MACROD2: variants seen among roughly 807,000 people sequenced by gnomAD.
MACROD2 encodes mono-ADP ribosylhydrolase 2, also known as ADP-ribose glycohydrolase MACROD2.
In MACROD2, 36 loss-of-function variants were observed where a neutral mutation model predicts 70.4. That is an observed-to-expected ratio of 0.51 (90% CI 0.39 to 0.68). The LOEUF (loss-of-function observed/expected upper bound fraction) is 0.68, where lower values mean the gene tolerates loss of function less well. Ranked by LOEUF, MACROD2 falls within the 30% of genes least tolerant of loss-of-function variation. MACROD2 has a pLI of 0.00. For synonymous variants in MACROD2, 172 were observed against 178.8 expected (o/e 0.96, Z 0.30); for missense variants, 496 against 538.4 (o/e 0.92, Z 0.78).
chr20:15,730,069 C>A (rs1271232161), intron 8 of MACROD2, among the ~76,000 whole-genome samples: 2 of 152,050 alleles, frequency 1.3e-5, no homozygotes, highest in African/African-American at 2.4e-5. Context: ...CTCAGGTGAT[C>A]CACCTGCCTC....
intron 8 of MACROD2, among the ~76,000 whole-genome samples, chr20:15,829,276 G>A (rs773468395): frequency 1.8e-4 from 27 of 152,178 alleles, no homozygotes; most frequent in Middle Eastern, 3.4e-3. Context: ...ATGTCCCTTA[G>A]CTGTAAGGTT....
intron 8 of MACROD2, among the ~76,000 whole-genome samples, chr20:15,825,044 A>G (rs1168114312): frequency 6.6e-6 from 1 of 152,218 alleles, no homozygotes; most frequent in Non-Finnish European, 1.5e-5. Flanking sequence ...TGATTTTTCT[A>G]ATGATGGTCC....
chr20:14,990,402 G>A (rs1568915282), intron 5 of MACROD2, among the ~76,000 whole-genome samples: 1 of 151,894 alleles, frequency 6.6e-6, no homozygotes. Flanking sequence ...GAAGACAGGG[G>A]CTCAACTCCA....
At chr20:15,690,720 CTAAAT>C (rs1165817029) in intron 8 of MACROD2, among the ~76,000 whole-genome samples, 1 of 152,158 alleles carries the variant, frequency 6.6e-6, no homozygotes, top group Admixed American at 6.5e-5. Context: ...TCTGTATACA[CTAAAT>C]TAAACAACTG....
chr20:15,500,331 G>A (rs941110808), intron 8 of MACROD2, among the ~76,000 whole-genome samples: 2 of 152,086 alleles, frequency 1.3e-5, no homozygotes, highest in East Asian at 1.9e-4. Flanking sequence ...TCACAAAATC[G>A]TTATGAGCGG....
chr20:14,980,057 C>A (rs1404049202), intron 5 of MACROD2, among the ~76,000 whole-genome samples: 1 of 152,082 alleles, frequency 6.6e-6, no homozygotes, highest in East Asian at 1.9e-4. Context: ...AACTTGTAAG[C>A]ACTTTGTAAG....
At chr20:14,830,550 A>G (rs2072952924) in intron 5 of MACROD2, among the ~76,000 whole-genome samples, 1 of 152,166 alleles carries the variant, frequency 6.6e-6, no homozygotes, top group South Asian at 2.1e-4. Context: ...AAATATCTGG[A>G]TGTGCACATA....
chr20:14,338,469 C>A (rs2082976428), intron 3 of MACROD2, among the ~76,000 whole-genome samples: 1 of 152,052 alleles, frequency 6.6e-6, no homozygotes, highest in African/African-American at 2.4e-5. Flanking sequence ...ATGGTCTGTT[C>A]TTTTGGAGGC....
chr20:14,366,172 T>G (rs2083269940), intron 3 of MACROD2, among the ~76,000 whole-genome samples: 1 of 152,180 alleles, frequency 6.6e-6, no homozygotes, highest in Non-Finnish European at 1.5e-5. Context: ...TGTCTAAATA[T>G]TCTATTTATT....
intron 5 of MACROD2, among the ~76,000 whole-genome samples, chr20:14,835,170 A>G (rs1007996044): frequency 4.6e-5 from 7 of 151,852 alleles, no homozygotes; most frequent in Non-Finnish European, 7.4e-5. Flanking sequence ...TTTTTCCTCC[A>G]TTGTTACTTT....
At chr20:15,885,865 T>TCC in intron 10 of MACROD2, 54 bp downstream of exon 10, 1 of 1,444,154 alleles carries the variant, frequency 6.9e-7, no homozygotes, top group Non-Finnish European at 9.2e-7. Flanking sequence ...ATTTTGTTGT[T>TCC]TATGTACACT....
intron 10 of MACROD2, among the ~76,000 whole-genome samples, chr20:15,911,328 G>T (rs6135598): frequency 6.6e-6 from 1 of 152,278 alleles, no homozygotes; most frequent in Admixed American, 6.5e-5. Context: ...CTAGTTCGTC[G>T]TCAGTAAATA....
chr20:15,397,960 A>G (rs1427499441), intron 6 of MACROD2, among the ~76,000 whole-genome samples: 2 of 152,206 alleles, frequency 1.3e-5, no homozygotes, highest in African/African-American at 4.8e-5. Context: ...GAGAAAAACT[A>G]TAGCTTCTTG....
chr20:14,890,648 A>G (rs376575094), intron 5 of MACROD2, among the ~76,000 whole-genome samples: 1 of 151,836 alleles, frequency 6.6e-6, no homozygotes, highest in South Asian at 2.1e-4. Context: ...TGTCATCCCA[A>G]TTACTCAGGA....
chr20:15,410,375 T>A (rs528797971), intron 6 of MACROD2, among the ~76,000 whole-genome samples: 1 of 152,314 alleles, frequency 6.6e-6, no homozygotes, highest in South Asian at 2.1e-4. Flanking sequence ...ACCAATCATG[T>A]CTTTTGTTGT....
chr20:14,845,051 A>G (rs887522591), intron 5 of MACROD2, among the ~76,000 whole-genome samples: 1 of 152,110 alleles, frequency 6.6e-6, no homozygotes, highest in African/African-American at 2.4e-5. Flanking sequence ...TGTAATGGTA[A>G]TGGCCATAGA....
intron 3 of MACROD2, among the ~76,000 whole-genome samples, chr20:14,349,518 A>G (rs559531205): frequency 2.4e-3 from 359 of 148,376 alleles, no homozygotes; most frequent in African/African-American, 8.3e-3. Context: ...AACCATATAT[A>G]TTGTATCTAT....
chr20:15,023,521 A>G (rs1270247007), intron 5 of MACROD2, among the ~76,000 whole-genome samples: 1 of 152,160 alleles, frequency 6.6e-6, no homozygotes, highest in Non-Finnish European at 1.5e-5. Flanking sequence ...GCTAATAAAG[A>G]CATACTCAAG....
chr20:15,791,547 T>C (rs1220553594), intron 8 of MACROD2, among the ~76,000 whole-genome samples: 1 of 152,000 alleles, frequency 6.6e-6, no homozygotes, highest in Non-Finnish European at 1.5e-5. Context: ...TTTGGGGGGA[T>C]GTATAATTTT....
Sources: gnomAD v4.1 joint callset for allele counts (sites outside exome capture counted in the v4.1 genomes callset) on GRCh38, gnomAD v4.1.1 for gene constraint, MANE v1.5 for transcripts, NCBI Gene and HGNC (gene_info 2026-07-23, HGNC 2026-07-21) for gene names.